Variants in ZFAT observed in about 807,000 individuals in gnomAD.
ZFAT encodes the protein zinc finger protein ZFAT.
In ZFAT, 64 loss-of-function variants were observed where a neutral mutation model predicts 117.7. The observed-to-expected ratio is 0.54, with a 90% CI of 0.44 to 0.67. The LOEUF (loss-of-function observed/expected upper bound fraction) is 0.67. Among genes scored for constraint, ZFAT ranks in the 30% least tolerant of loss-of-function variants. The probability of loss-of-function intolerance (pLI) is 0.00; values close to 1 mark genes in which losing one functional copy is unlikely to be tolerated. For missense variants in ZFAT, 1,433 were observed against 1,584.5 expected, an observed-to-expected ratio of 0.90 and a Z score of 1.62; for synonymous variants, 679 against 615.0, an observed-to-expected ratio of 1.10 and a Z score of -1.54.
At chr8:134,548,719 T>C (rs1563834849) in intron 11 of ZFAT, among the ~76,000 whole-genome samples, 1 of 152,000 alleles carries the variant, frequency 6.6e-6, no homozygotes, top group African/African-American at 2.4e-5. Flanking sequence ...ACTGTGTCCC[T>C]ACCACCTAAC....
chr8:134,517,595 T>G (rs1820343746), intron 13 of ZFAT, among the ~76,000 whole-genome samples: 1 of 152,208 alleles, frequency 6.6e-6, no homozygotes, highest in South Asian at 2.1e-4. Flanking sequence ...CTATTACTAA[T>G]TAAACAATAG....
chr8:134,647,243 A>C (rs1830951749), intron 2 of ZFAT, among the ~76,000 whole-genome samples: 1 of 152,196 alleles, frequency 6.6e-6, no homozygotes, highest in Non-Finnish European at 1.5e-5. Flanking sequence ...TGTGATATAT[A>C]ACATTTATAG....
intron 1 of ZFAT, among the ~76,000 whole-genome samples, chr8:134,682,569 C>T (rs1217063635): frequency 1.3e-5 from 2 of 152,158 alleles, no homozygotes; most frequent in Non-Finnish European, 2.9e-5. Context: ...GTGAGAGGAT[C>T]GCTTGAGCCT....
chr8:134,657,771 A>C, intron 1 of ZFAT, 34 bp from the exon 2 acceptor site: 1 of 1,599,822 alleles, frequency 6.3e-7, no homozygotes, highest in Non-Finnish European at 8.5e-7. Flanking sequence ...ATGTTATTTC[A>C]TCTCCACATA....
the ZFAT span, among the ~76,000 whole-genome samples, chr8:134,788,567 TTA>T: frequency 6.6e-6 from 1 of 152,126 alleles, no homozygotes; most frequent in African/African-American, 2.4e-5. Context: ...AAAATGTGAA[TTA>T]TGTTTTTTAA....
chr8:134,780,013 T>C, the ZFAT span, among the ~76,000 whole-genome samples: 1 of 152,252 alleles, frequency 6.6e-6, no homozygotes. Context: ...CTCCCTCCAA[T>C]ACCTGGTACT....
At chr8:134,746,025 C>A in the ZFAT span, among the ~76,000 whole-genome samples, 1 of 152,112 alleles carries the variant, frequency 6.6e-6, no homozygotes, top group African/African-American at 2.4e-5. Context: ...CTGCCTAATA[C>A]TTTACAAGAA....
At chr8:134,559,164 T>G (rs1320115413) in intron 11 of ZFAT, among the ~76,000 whole-genome samples, 1 of 152,198 alleles carries the variant, frequency 6.6e-6, no homozygotes, top group African/African-American at 2.4e-5. Flanking sequence ...TTAAAATATA[T>G]ATATAGGGAA....
chr8:134,635,599 G>T (rs554341485), intron 3 of ZFAT, among the ~76,000 whole-genome samples: 1 of 152,068 alleles, frequency 6.6e-6, no homozygotes, highest in African/African-American at 2.4e-5. Flanking sequence ...ATGTATGCAT[G>T]TGAGACAGAA....
rs565247914 is a variant in ZFAT at position 134,537,256 on chromosome 8, C to T, written c.2977-4284G>A. Among the ~76,000 whole-genome samples, 35 of 152,322 alleles carry T rather than the reference C, an allele frequency of 2.3e-4. No homozygotes were observed. The East Asian group carries it at 6.0e-3, about 26-fold the overall frequency. On this transcript the variant is annotated intron_variant, in intron 11 of 15. Transcript: ENST00000377838. The stretch of plus-strand genomic sequence containing the variant: ...GAGACTTGCCATAGTTTCACAGTCT[C>T]CCAGCCTGGTTACTTGGTTTGCATC...
At chr8:134,677,637 T>TA (rs1297559376) in intron 1 of ZFAT, among the ~76,000 whole-genome samples, 1 of 150,974 alleles carries the variant, frequency 6.6e-6, no homozygotes, top group East Asian at 1.9e-4. Flanking sequence ...AGAGACAAAA[T>TA]AAAAAATAAA....
At chr8:134,718,757 A>G in the ZFAT span, among the ~76,000 whole-genome samples, 13 of 152,168 alleles carry the variant, frequency 8.5e-5, no homozygotes, top group African/African-American at 3.1e-4. Context: ...GAAAAGGAAT[A>G]ATACGTAATT....
intron 11 of ZFAT, among the ~76,000 whole-genome samples, chr8:134,546,920 C>G (rs752099858): frequency 6.6e-6 from 1 of 152,176 alleles, no homozygotes; most frequent in Admixed American, 6.5e-5. Flanking sequence ...ACAGAACCAA[C>G]GGTATTTCTT....
the ZFAT span, among the ~76,000 whole-genome samples, chr8:134,757,083 C>G: frequency 4.3e-4 from 57 of 132,566 alleles, 1 homozygote; most frequent in African/African-American, 1.6e-3. Flanking sequence ...GTGGCACAAT[C>G]TGGGCTCACT....
intron 15 of ZFAT, among the ~76,000 whole-genome samples, chr8:134,506,818 G>A (rs1296931966): frequency 6.6e-6 from 1 of 152,200 alleles, no homozygotes; most frequent in African/African-American, 2.4e-5. Context: ...TCTTGTGGAA[G>A]ATGTATATAA....
chr8:134,491,217 TTC>T (rs1266186075), intron 15 of ZFAT, among the ~76,000 whole-genome samples: 2 of 152,226 alleles, frequency 1.3e-5, no homozygotes, highest in Non-Finnish European at 2.9e-5. Flanking sequence ...GAAATACAAC[TTC>T]TGTTTCCAGC....
At chr8:134,712,586 C>T (rs922308720) in intron 1 of ZFAT, among the ~76,000 whole-genome samples, 2 of 150,842 alleles carry the variant, frequency 1.3e-5, no homozygotes, top group Non-Finnish European at 2.9e-5. Flanking sequence ...GCCGTGGAAA[C>T]GGCCGGGCGC....
intron 13 of ZFAT, among the ~76,000 whole-genome samples, chr8:134,514,868 G>C (rs2130418911): frequency 6.6e-6 from 1 of 152,216 alleles, no homozygotes; most frequent in East Asian, 1.9e-4. Context: ...ATGCAGGTTT[G>C]TTACATAAGT....
At chr8:134,705,377 G>GTT (rs61505145) in intron 1 of ZFAT, among the ~76,000 whole-genome samples, 54,442 of 137,076 alleles carry the variant, frequency 0.4, 11,121 homozygotes, top group African/African-American at 0.47. Context: ...GTTTTTTTTT[G>GTT]TTTTTTTTTT....
Sources: allele counts gnomAD v4.1 joint callset (sites outside exome capture counted in the v4.1 genomes callset), GRCh38; gene constraint gnomAD v4.1.1; transcripts MANE v1.5; gene names NCBI Gene and HGNC (gene_info 2026-07-23, HGNC 2026-07-21).